The following DNAI4 variants were observed in gnomAD, a reference collection of about 807,000 sequenced individuals.
DNAI4 encodes the protein WD repeat domain 78.
A neutral mutation model predicts 105.8 loss-of-function variants in DNAI4; 85 were observed. The observed-to-expected ratio is 0.80, with a 90% CI of 0.67 to 0.96. The LOEUF is 0.96. Ranked by LOEUF, DNAI4 falls within the 40% of genes least tolerant of loss-of-function variation. The probability of loss-of-function intolerance (pLI) is 0.00; values close to 1 mark genes in which losing one functional copy is unlikely to be tolerated. For missense variants in DNAI4, 1,014 were observed against 1,005.6 expected (o/e 1.01, Z -0.11); for synonymous variants, 352 against 331.5 (o/e 1.06, Z -0.67).
chr1:66,861,315 A>T (rs978116431), intron 7 of DNAI4, among the ~76,000 whole-genome samples: 1 of 152,214 alleles, frequency 6.6e-6, no homozygotes, highest in Non-Finnish European at 1.5e-5. Flanking sequence ...AAAATGTATC[A>T]GGTTTTAGTT....
At chr1:66,883,232 A>G (rs1337110428) in intron 4 of DNAI4, among the ~76,000 whole-genome samples, 2 of 145,636 alleles carry the variant, frequency 1.4e-5, no homozygotes, top group African/African-American at 2.5e-5. Flanking sequence ...TATATAGACA[A>G]TGATGTCATC....
chr1:66,833,780 C>CAA, intron 12 of DNAI4, 74 bp from the exon 13 acceptor site: 3 of 1,535,648 alleles, frequency 2.0e-6, no homozygotes, highest in Non-Finnish European at 2.6e-6. Flanking sequence ...ATGTGTGTTT[C>CAA]TCCTGCAAAT....
intron 1 of DNAI4, among the ~76,000 whole-genome samples, chr1:66,924,276 T>C (rs1650921231): frequency 6.6e-6 from 1 of 152,242 alleles, no homozygotes; most frequent in Non-Finnish European, 1.5e-5. Context: ...GTTCAAGGGA[T>C]TCTCCTGCCT....
chr1:66,841,202 T>G (rs898032249), intron 8 of DNAI4, among the ~76,000 whole-genome samples: 2 of 152,214 alleles, frequency 1.3e-5, no homozygotes, highest in Non-Finnish European at 2.9e-5. Context: ...AATGTGCTAG[T>G]GTGTTATCTT....
chr1:66,871,795 TC>T (rs1330926204), intron 5 of DNAI4, among the ~76,000 whole-genome samples: 1 of 152,228 alleles, frequency 6.6e-6, no homozygotes. Context: ...TTTTAAATTT[TC>T]CATTACTTCT....
chr1:66,891,671 C>T (rs1647661961), intron 3 of DNAI4, among the ~76,000 whole-genome samples: 1 of 152,162 alleles, frequency 6.6e-6, no homozygotes, highest in South Asian at 2.1e-4. Flanking sequence ...ACCATTTTGG[C>T]CAGGCTGGTC....
At chr1:66,869,821 C>T (rs904358640) in intron 6 of DNAI4, among the ~76,000 whole-genome samples, 5 of 152,138 alleles carry the variant, frequency 3.3e-5, no homozygotes, top group Non-Finnish European at 7.4e-5. Flanking sequence ...ATTTGTATTC[C>T]TTTCTGCCAG....
chr1:66,919,078 T>C (rs1036033678), intron 1 of DNAI4: 8 of 444,514 alleles, frequency 1.8e-5, no homozygotes, highest in Non-Finnish European at 3.2e-5. Context: ...ATGGAACCAA[T>C]GTACTTCTTA....
In DNAI4 at chr1:66,822,394, C is replaced by T. The variant is rs574678647; in HGVS notation, c.2463G>A (p.Leu821=). The T allele has an allele frequency of 6.2e-7, 1 of 1,608,294 alleles. No individual in the cohort carries two copies. Among genetic ancestry groups the T allele is most frequent in the Non-Finnish European group, 8.5e-7 (1 of 1,178,290 alleles). Residue 821 remains leucine, a synonymous_variant, in exon 16 of 17, where the codon CTG becomes CTA. Transcript: ENST00000371026. ...TTTCCAAAACAGTAGGCATATTTCTCAGTTCATACACAGAAACCTGTCCAT... is the reference window on the plus strand; with the variant it reads ...TTTCCAAAACAGTAGGCATATTTCTTAGTTCATACACAGAAACCTGTCCAT... ...DSDGQVSVYE[L]RNMPTVLETG...
chr1:66,892,957 GAA>G (rs1553227446), intron 3 of DNAI4, among the ~76,000 whole-genome samples: 6 of 103,916 alleles, frequency 5.8e-5, no homozygotes, highest in African/African-American at 1.7e-4. Context: ...AGAGAAGAAA[GAA>G]AGAAAGAAAG....
chr1:66,914,899 C>G (rs1238311577), intron 1 of DNAI4, among the ~76,000 whole-genome samples: 1 of 152,076 alleles, frequency 6.6e-6, no homozygotes, highest in Non-Finnish European at 1.5e-5. Flanking sequence ...TAGTCAAATG[C>G]TTTTTCGAGT....
At chr1:66,863,447 GT>G (rs1425518839) in intron 6 of DNAI4, among the ~76,000 whole-genome samples, 3 of 151,896 alleles carry the variant, frequency 2.0e-5, no homozygotes, top group Middle Eastern at 3.4e-3. Flanking sequence ...TTGTTTTTTT[GT>G]TTGTTTATTT....
chr1:66,886,525 A>C (rs1308506310), intron 4 of DNAI4, among the ~76,000 whole-genome samples: 1 of 152,196 alleles, frequency 6.6e-6, no homozygotes, highest in East Asian at 1.9e-4. Context: ...TACAGGTATC[A>C]AAACCTTTCT....
chr1:66,828,141 G>T, intron 13 of DNAI4: 1 of 260,574 alleles, frequency 3.8e-6, no homozygotes, highest in Non-Finnish European at 7.2e-6. Flanking sequence ...GCTGGAATCG[G>T]GGTAGCATTT....
At chr1:66,846,607 C>T (rs550592570) in intron 8 of DNAI4, among the ~76,000 whole-genome samples, 7 of 152,218 alleles carry the variant, frequency 4.6e-5, no homozygotes, top group South Asian at 2.1e-4. Flanking sequence ...TAATCTGTGG[C>T]CATATTGCAG....
chr1:66,903,486 G>C (rs920658064), intron 2 of DNAI4, among the ~76,000 whole-genome samples: 1 of 151,850 alleles, frequency 6.6e-6, no homozygotes, highest in African/African-American at 2.4e-5. Context: ...CTTCCTTTCC[G>C]ATCTGGGTGC....
intron 16 of DNAI4, among the ~76,000 whole-genome samples, chr1:66,814,973 G>A (rs1645487109): frequency 6.6e-6 from 1 of 152,148 alleles, no homozygotes; most frequent in South Asian, 2.1e-4. Context: ...GAGTTTTTAA[G>A]CAAGACAGTA....
intron 11 of DNAI4, among the ~76,000 whole-genome samples, chr1:66,835,077 A>T (rs1383022569): frequency 6.6e-6 from 1 of 152,068 alleles, no homozygotes; most frequent in Non-Finnish European, 1.5e-5. Flanking sequence ...TTCATCAATT[A>T]CTCATCAAAC....
At chr1:66,920,545 G>A (rs1650399888) in intron 1 of DNAI4, among the ~76,000 whole-genome samples, 1 of 152,252 alleles carries the variant, frequency 6.6e-6, no homozygotes, top group Admixed American at 6.5e-5. Context: ...CCTAGATACT[G>A]TTGGGGAGTG....
Sources: allele counts gnomAD v4.1 joint callset (sites outside exome capture counted in the v4.1 genomes callset), GRCh38; gene constraint gnomAD v4.1.1; transcripts MANE v1.5; gene names NCBI Gene and HGNC (gene_info 2026-07-23, HGNC 2026-07-21).